The following NRAP variants were observed in gnomAD, a reference collection of about 807,000 sequenced individuals.
The protein encoded by NRAP is nebulin related anchoring protein, also known as nebulin-related-anchoring protein.
NRAP carries 189 observed loss-of-function variants against 225.9 expected under a neutral mutation model. The observed-to-expected ratio is 0.84, with a 90% CI of 0.74 to 0.94. NRAP has a LOEUF of 0.94. Among genes scored for constraint, NRAP ranks in the 40% least tolerant of loss-of-function variants. The pLI, the probability that NRAP is intolerant of heterozygous loss-of-function variation, is 0.00. For missense variants in NRAP, 2,176 were observed against 2,168.7 expected (o/e 1.00, Z -0.07); for synonymous variants, 769 against 790.7 (o/e 0.97, Z 0.46).
In NRAP at chr10:113,590,919, T is replaced by C. The variant is rs200666053; in HGVS notation, c.4645-30A>G. 1.9e-5 allele frequency: 31 copies of C among 1,599,520 alleles called. No homozygotes were observed. The East Asian group carries it at 3.4e-4, about 17-fold the overall frequency. On this transcript the variant is annotated intron_variant, in intron 39 of 41. Coordinates refer to ENST00000359988, the MANE Select transcript of NRAP (RefSeq NM_198060.4). ...AAGTCAGAGGAGCAGAGGCAGATCA[T>C]GGGTGCCTACCTCCCCCAGGACCAG...
chr10:113,598,119 C>T (rs1187782677), intron 35 of NRAP, 46 bp from the exon 36 acceptor site: 1 of 1,112,132 alleles, frequency 9.0e-7, no homozygotes, highest in South Asian at 1.2e-5. Flanking sequence ...GTGCTTAAGA[C>T]TAGTACAGCA....
In NRAP at chr10:113,590,640, TGGGCTG is replaced by T; in HGVS notation, c.4888_4893del (p.Gln1630_Pro1631del). The T allele has an allele frequency of 1.2e-6, 2 of 1,613,892 alleles. No individual in the cohort carries two copies. The highest frequency in any genetic ancestry group is 1.7e-6 in the Non-Finnish European group (2 of 1,179,978). On this transcript the variant is annotated inframe_deletion, in exon 40 of 42. Transcript: ENST00000359988. The stretch of plus-strand genomic sequence containing the variant: ...AGGCCCAGCTGCTCCGGGTCGCAGG[TGGGCTG>T]GGGCAGGGGCTGCCTGTAGTGCACA...
At chr10:113,605,965 A>G in intron 33 of NRAP, 96 bp from the exon 34 acceptor site, 1 of 973,652 alleles carries the variant, frequency 1.0e-6, no homozygotes, top group East Asian at 2.4e-5. Context: ...TTCCAGAATC[A>G]ATTTCTGTTT....
Position 113,643,062 on chromosome 10 carries a change from C to G in NRAP, c.1111-24G>C. The G allele has an allele frequency of 1.8e-6, 2 of 1,125,524 alleles. 1 individual carries two copies. Among genetic ancestry groups the G allele is most frequent in the Middle Eastern group, 3.9e-4 (2 of 5,146 alleles). 69.7% of individuals were successfully genotyped at this position (1,125,524 alleles called of 1,614,324 possible). A position where few individuals can be genotyped will look rare whatever the true frequency, so the allele number is the denominator to read the frequency against. On this transcript the variant is annotated intron_variant, in intron 11 of 41. Transcript: ENST00000359988. ...ACCTTGGAAATCAAAACACCAGACA[C>G]ACAATAGAACCAAATCCGAAGTCAC... is the stretch of plus-strand genomic sequence containing the variant.
At chr10:113,591,154 G>A (rs978572732) in intron 39 of NRAP, among the ~76,000 whole-genome samples, 1 of 152,240 alleles carries the variant, frequency 6.6e-6, no homozygotes, top group Non-Finnish European at 1.5e-5. Flanking sequence ...TAAGGACTGA[G>A]CTTCATGTCT....
chr10:113,639,576 G>A (rs1849079421), intron 14 of NRAP, among the ~76,000 whole-genome samples: 1 of 152,208 alleles, frequency 6.6e-6, no homozygotes, highest in Non-Finnish European at 1.5e-5. Context: ...GCCACCTTAA[G>A]TACTTTTTAA....
chr10:113,626,885 C>G (rs1015337196), intron 20 of NRAP, among the ~76,000 whole-genome samples: 14 of 152,220 alleles, frequency 9.2e-5, no homozygotes, highest in African/African-American at 1.2e-4. Context: ...TTCTGTCCCC[C>G]CTCCGGGACT....
chr10:113,624,072 C>T (rs371840091), intron 22 of NRAP, among the ~76,000 whole-genome samples: 2 of 152,148 alleles, frequency 1.3e-5, no homozygotes, highest in African/African-American at 4.8e-5. Context: ...GGGTCTTTTC[C>T]TTGCGCCTCC....
Position 113,631,903 on chromosome 10 carries a change from G to A in NRAP, c.1694C>T (p.Ala565Val). ...KGKGFEMKLD[A>V]MSLLAAKASG... ...GGCTTTGGCGGCCAGCAGAGACATG[G>A]CATCCAGCTTCATCTCAAATCCTTT... The change falls in exon 17 of 42, where the codon GCC (alanine) becomes GTC (valine). Residue 565 changes from alanine to valine, a missense_variant. Around this residue, in one of 3 missense-constraint regions of NRAP, gnomAD observed 1,708 missense variants for 1,695.5 expected, o/e 1.01. Transcript: ENST00000359988. The A allele has an allele frequency of 6.2e-7, 1 of 1,613,760 alleles. No individual in the cohort carries two copies. Among genetic ancestry groups the A allele is most frequent in the Non-Finnish European group, 8.5e-7 (1 of 1,179,678 alleles).
chr10:113,596,312 A>G (rs1217642109), intron 37 of NRAP, among the ~76,000 whole-genome samples: 1 of 152,228 alleles, frequency 6.6e-6, no homozygotes, highest in Non-Finnish European at 1.5e-5. Flanking sequence ...AAACAATTTT[A>G]GGAAGTGTTT....
At chr10:113,634,516 C>T (rs531047136) in intron 14 of NRAP, among the ~76,000 whole-genome samples, 2 of 152,322 alleles carry the variant, frequency 1.3e-5, no homozygotes, top group Admixed American at 1.3e-4. Context: ...TACCCCTGCA[C>T]ACCACCTGAA....
intron 4 of NRAP, among the ~76,000 whole-genome samples, chr10:113,655,103 T>A (rs1198091779): frequency 6.6e-6 from 1 of 152,202 alleles, no homozygotes; most frequent in Non-Finnish European, 1.5e-5. Context: ...ATACTCAACC[T>A]GACTAGCAAT....
At chr10:113,653,105 CAATAAA>C (rs1407286041) in intron 5 of NRAP, 66 bp from the exon 6 acceptor site, 7 of 809,670 alleles carry the variant, frequency 8.6e-6, no homozygotes, top group Non-Finnish European at 1.4e-5. Context: ...AAGAAAACCG[CAATAAA>C]ACCAATGAAA....
Position 113,654,039 on chromosome 10 carries a change from A to G in NRAP, c.447T>C (p.Ala149=). The G allele has an allele frequency of 6.2e-7, 1 of 1,612,430 alleles. No individual in the cohort carries two copies. Among genetic ancestry groups the G allele is most frequent in the Non-Finnish European group, 8.5e-7 (1 of 1,178,520 alleles). Residue 149 remains alanine (A), a synonymous_variant, in exon 5 of 42, where the codon GCT becomes GCC. Transcript: ENST00000359988. The part of the protein sequence containing the change: ...PDPEIVRMVE[A]RKSLGEEYTE... ...TGCTTACCTCACCAAGAGACTTTCGAGCCTCAACCATCCTTACAATTTCGG... is the reference window on the plus strand; with the variant it reads ...TGCTTACCTCACCAAGAGACTTTCGGGCCTCAACCATCCTTACAATTTCGG...
chr10:113,650,251 G>A, intron 8 of NRAP, 110 bp from the exon 9 acceptor site: 2 of 811,042 alleles, frequency 2.5e-6, no homozygotes, highest in Admixed American at 3.7e-5. Flanking sequence ...TGGATCTAGG[G>A]AGTAGGTATG....
rs1891762 is a variant in NRAP, at chr10:113,657,530, G to A, written c.300C>T (p.His100=). The A allele has an allele frequency of 0.89, 1,433,129 of 1,605,634 alleles. 640,371 individuals are homozygous for A. Among genetic ancestry groups the A allele is most frequent in the Admixed American group, 0.92 (55,340 of 59,986 alleles). The change falls in exon 4 of 42, where the codon CAC becomes CAT. Residue 100 remains histidine, a synonymous_variant. Transcript: ENST00000359988. The part of the protein sequence containing the change: ...EDGEQCKSVF[H]WDMKSKDKEG... ...CCTTATCCTTGGATTTCATGTCCCA[G>A]TGAAAAACTGATTTACACTGTTCAC...
intron 9 of NRAP, among the ~76,000 whole-genome samples, chr10:113,649,819 A>T (rs868292021): frequency 6.6e-6 from 1 of 152,158 alleles, no homozygotes; most frequent in East Asian, 1.9e-4. Context: ...TTATTAATTT[A>T]AAAAAAGAAA....
At chr10:113,648,918 T>C (rs935217351) in intron 9 of NRAP, among the ~76,000 whole-genome samples, 2 of 152,160 alleles carry the variant, frequency 1.3e-5, no homozygotes, top group African/African-American at 4.8e-5. Flanking sequence ...TAACTACTGG[T>C]AGATAGGATT....
intron 19 of NRAP, 35 bp from the exon 20 acceptor site, chr10:113,629,056 G>T: frequency 6.9e-7 from 1 of 1,441,388 alleles, no homozygotes; most frequent in Non-Finnish European, 9.8e-7. Context: ...CTCATTGGGC[G>T]CATGGATAGA....
Sources: gnomAD v4.1 joint callset for allele counts (sites outside exome capture counted in the v4.1 genomes callset) on GRCh38, gnomAD v4.1.1 for gene constraint, gnomAD v4.1.1 regional missense constraint, MANE v1.5 for transcripts, NCBI Gene and HGNC (gene_info 2026-07-23, HGNC 2026-07-21) for gene names.